Variants in BSN observed in about 807,000 individuals in gnomAD.
The protein encoded by BSN is bassoon presynaptic cytomatrix protein.
BSN carries 57 observed loss-of-function variants against 264.8 expected under a neutral mutation model. That is an observed-to-expected ratio of 0.22 (90% CI 0.17 to 0.27). BSN has a LOEUF of 0.27. Among genes scored for constraint, BSN ranks in the 10% least tolerant of loss-of-function variants. The pLI, the probability that BSN is intolerant of heterozygous loss-of-function variation, is 1.00. For missense variants in BSN, 4,615 were observed against 5,232.5 expected, an observed-to-expected ratio of 0.88 and a Z score of 3.64; for synonymous variants, 2,059 against 2,137.3, an observed-to-expected ratio of 0.96 and a Z score of 1.01.
rs137954999 is a variant in BSN, at chr3:49,663,392, C to T, written c.11234C>T (p.Pro3745Leu). ...LQSKAEPQAQ[P>L]QLQGRQAAPG... ...TCAAAGGCAGAACCCCAGGCGCAGC[C>T]GCAGCTGCAAGGTCGGCAGGCAGCT... Residue 3745 changes from proline to leucine, a missense_variant, in exon 7 of 12, where the codon CCG becomes CTG. This residue lies in a region of BSN where 3,415 missense variants were observed against 3,866.4 expected (regional missense o/e 0.88). Coordinates refer to ENST00000296452, the MANE Select transcript of BSN (RefSeq NM_003458.4). The T allele has an allele frequency of 7.5e-4, 1,213 of 1,613,084 alleles. 11 individuals carry two copies. The highest frequency in any genetic ancestry group is 3.4e-5 in the Non-Finnish European group (40 of 1,179,990).
intron 1 of BSN, among the ~76,000 whole-genome samples, chr3:49,614,150 C>G (rs529523284): frequency 6.7e-5 from 10 of 149,794 alleles, no homozygotes; most frequent in Non-Finnish European, 1.3e-4. Context: ...AGCTCTGCCT[C>G]CCAGGTTCAT....
intron 1 of BSN, among the ~76,000 whole-genome samples, chr3:49,584,102 G>T (rs968089955): frequency 6.6e-6 from 1 of 151,856 alleles, no homozygotes; most frequent in East Asian, 1.9e-4. Context: ...AGCCAGGAGG[G>T]TCTCGATCTC....
rs1338182313 is a variant in BSN at position 49,657,970 on chromosome 3, G to A, written c.8414G>A (p.Arg2805Gln). The change falls in exon 5 of 12, where the codon CGG becomes CAG. Residue 2805 changes from arginine to glutamine, a missense_variant. By Grantham distance (43) the Arg-to-Gln change is conservative. Transcript: ENST00000296452. ...YSPVSPLSPH[R>Q]LLDTSFASSE... ...CCAGTCTCACCCCTGTCCCCTCACC[G>A]GCTCCTGGACACCTCCTTTGCTTCC... The A allele has an allele frequency of 1.9e-6, 3 of 1,611,190 alleles. No homozygotes were observed. Among genetic ancestry groups the A allele is most frequent in the Non-Finnish European group, 1.7e-6 (2 of 1,178,082 alleles).
At chr3:49,570,100 T>G (rs1245454624) in intron 1 of BSN, among the ~76,000 whole-genome samples, 2 of 152,182 alleles carry the variant, frequency 1.3e-5, no homozygotes, top group African/African-American at 4.8e-5. Context: ...GCCAACAGAC[T>G]GGAATAGGAC....
In BSN at chr3:49,662,113, A is replaced by G. The variant is rs371785998; in HGVS notation, c.10268A>G (p.Tyr3423Cys). 3.1e-6 allele frequency: 5 copies of G among 1,613,368 alleles called. No homozygotes were observed. In the African/African-American group the frequency reaches 6.7e-5, roughly 22 times the overall value. Reference protein sequence around the residue: ...KKNVYEQQKYYGMSSRDAVED... With the variant: ...KKNVYEQQKYCGMSSRDAVED... ...AACGTGTATGAGCAGCAAAAATACT[A>G]TGGGATGTCCAGCCGGGACGCAGTG... Residue 3423 changes from tyrosine (Y) to cysteine (C), a missense_variant, in exon 6 of 12, where the codon TAT becomes TGT. This residue lies in a region of BSN where 3,415 missense variants were observed against 3,866.4 expected (regional missense o/e 0.88). Coordinates refer to ENST00000296452, the MANE Select transcript of BSN (RefSeq NM_003458.4).
chr3:49,615,643 C>A lies in BSN; in HGVS notation c.225-9332C>A, dbSNP rs542230201. Among the ~76,000 whole-genome samples the A allele has an allele frequency of 6.6e-5, 10 of 152,358 alleles. No individual in the cohort carries two copies. The South Asian group carries it at 2.1e-3, about 32-fold the overall frequency. ...CCATGATGCCATCTTCTTGGGCAAT[C>A]ACAGGCTCTTTCTGTGGCTGTGGCT... On this transcript the variant is annotated intron_variant, in intron 1 of 11. Coordinates refer to ENST00000296452, the MANE Select transcript of BSN (RefSeq NM_003458.4).
rs2052141271 is a variant in BSN at position 49,606,181 on chromosome 3, A to ATATATAATATATACATATATTATATATG, written c.225-18788_225-18787insATATATACATATATTATATATGTATATA. Among the ~76,000 whole-genome samples, 2 of 6,806 alleles carry ATATATAATATATACATATATTATATATG rather than the reference A, an allele frequency of 2.9e-4. 1 individual carries two copies. The highest frequency in any genetic ancestry group is 5.0e-4 in the Non-Finnish European group (2 of 3,976). The allele number at this position is 6,806 out of a possible 152,430, so 4.5% of individuals were successfully genotyped here. ...TTATATATACATATATTATATATGT[A>ATATATAATATATACATATATTATATATG]TATATATTATATATACATATATTAT... On this transcript the variant is annotated intron_variant, in intron 1 of 11. Transcript: ENST00000296452.
At chr3:49,617,045 C>A (rs1421409389) in intron 1 of BSN, among the ~76,000 whole-genome samples, 6 of 152,068 alleles carry the variant, frequency 3.9e-5, no homozygotes, top group Non-Finnish European at 5.9e-5. Flanking sequence ...CAGCTAATAG[C>A]CTTAAATGCT....
intron 2 of BSN, among the ~76,000 whole-genome samples, chr3:49,639,202 T>TC (rs2052442252): frequency 6.7e-6 from 1 of 148,722 alleles, no homozygotes. Flanking sequence ...TCTTTTTCTT[T>TC]TTTTTTTTTT....
rs2108079662 is a variant in BSN at position 49,650,911 on chromosome 3, G to A, written c.1818G>A (p.Gln606=). The A allele has an allele frequency of 6.2e-7, 1 of 1,614,164 alleles. No homozygotes were observed. Among genetic ancestry groups the A allele is most frequent in the Non-Finnish European group, 8.5e-7 (1 of 1,180,034 alleles). ...CCAGCAAGACCCCAAGCAGTGTCCA[G>A]GAAAAGAAGACCCGAGTCCCCACTA... is the stretch of plus-strand genomic sequence containing the variant. The part of the protein sequence containing the change: ...SEPSKTPSSV[Q]EKKTRVPTKA... Residue 606 remains glutamine, a synonymous_variant, in exon 4 of 12, where the codon CAG becomes CAA. Coordinates refer to ENST00000296452, the MANE Select transcript of BSN (RefSeq NM_003458.4).
chr3:49,663,745 C>A, intron 7 of BSN, 42 bp from the exon 8 acceptor site: 1 of 1,612,578 alleles, frequency 6.2e-7, no homozygotes, highest in Non-Finnish European at 8.5e-7. Flanking sequence ...TGGTTCCAGG[C>A]TGGGCATGGG....
intron 1 of BSN, among the ~76,000 whole-genome samples, chr3:49,597,098 A>C (rs1476703193): frequency 6.6e-6 from 1 of 152,062 alleles, no homozygotes; most frequent in South Asian, 2.1e-4. Flanking sequence ...TGATTTCTTC[A>C]AACATTTTTT....
intron 1 of BSN, among the ~76,000 whole-genome samples, chr3:49,559,336 C>T (rs1052422361): frequency 2.0e-5 from 3 of 152,024 alleles, no homozygotes; most frequent in Admixed American, 6.6e-5. Flanking sequence ...TTAGCCACTG[C>T]CATCATCAAC....
intron 1 of BSN, among the ~76,000 whole-genome samples, chr3:49,624,293 G>A (rs1390105161): frequency 6.0e-5 from 2 of 33,168 alleles, no homozygotes; most frequent in Admixed American, 3.8e-4. Flanking sequence ...GAGCCAACGT[G>A]CCCAGCCTTT....
In BSN at chr3:49,642,528, G is replaced by A; in HGVS notation, c.894G>A (p.Glu298=). 1 of 1,584,284 alleles carries A rather than the reference G, an allele frequency of 6.3e-7. No individual in the cohort carries two copies. Among genetic ancestry groups the A allele is most frequent in the Non-Finnish European group, 8.6e-7 (1 of 1,163,124 alleles). ...CTGCCCAAGCAGCTGCCCCTCCAGA[G>A]GTGGGGAGGGTGTCTCCTCAGCCCC... ...PGPAQAAAPP[E]VGRVSPQPPQ... Residue 298 remains glutamate (E), a synonymous_variant, in exon 3 of 12, where the codon GAG becomes GAA. Coordinates refer to ENST00000296452, the MANE Select transcript of BSN (RefSeq NM_003458.4). The surrounding 1 kb of genome is among the most constrained non-coding windows in gnomAD (Gnocchi z 7.0).
At chr3:49,578,928 A>G (rs373140825) in intron 1 of BSN, among the ~76,000 whole-genome samples, 1 of 152,094 alleles carries the variant, frequency 6.6e-6, no homozygotes, top group Non-Finnish European at 1.5e-5. Context: ...GTGTTTTCCA[A>G]GGCTCATCCA....
intron 1 of BSN, among the ~76,000 whole-genome samples, chr3:49,593,934 C>A (rs1340546355): frequency 4.0e-5 from 6 of 151,566 alleles, no homozygotes; most frequent in African/African-American, 1.5e-4. Context: ...TCCTGAGTAG[C>A]TGGGACTACA....
chr3:49,575,736 A>T (rs2051841322), intron 1 of BSN, among the ~76,000 whole-genome samples: 1 of 151,022 alleles, frequency 6.6e-6, no homozygotes, highest in Non-Finnish European at 1.5e-5. Context: ...TCATATATTG[A>T]AGTACAACGT....
rs1179263216 is a variant in BSN, at chr3:49,656,080, C to G, written c.6524C>G (p.Thr2175Arg). ...TATGGGCCTGCAGCAGGCCAAGGAA[C>G]AGCAGTCAGACAGCTGCTGCCGTCC... is the stretch of plus-strand genomic sequence containing the variant. ...AQYGPAAGQG[T>R]AVRQLLPSTA... is the part of the protein sequence containing the mutation. Residue 2175 changes from threonine (T) to arginine (R), a missense_variant, in exon 5 of 12, where the codon ACA (threonine) becomes AGA (arginine). Physicochemically the swap from Thr to Arg is moderately conservative, Grantham distance 71. Coordinates refer to ENST00000296452, the MANE Select transcript of BSN (RefSeq NM_003458.4). 2 of 1,611,070 alleles carry G rather than the reference C, an allele frequency of 1.2e-6. No individual in the cohort carries two copies. The highest frequency in any genetic ancestry group is 2.2e-5 in the South Asian group (2 of 90,892).
Sources: gnomAD v4.1 joint callset for allele counts (sites outside exome capture counted in the v4.1 genomes callset) on GRCh38, gnomAD v4.1.1 for gene constraint, gnomAD v4.1.1 regional missense constraint, Gnocchi (gnomAD v3.1) non-coding constraint, MANE v1.5 for transcripts, NCBI Gene and HGNC (gene_info 2026-07-23, HGNC 2026-07-21) for gene names.